The following MUC4 variants were observed in gnomAD, a reference collection of about 807,000 sequenced individuals.
The protein encoded by MUC4 is mucin 4, cell surface associated.
Under a neutral mutation model 257.9 loss-of-function variants are expected in MUC4, and 202 were observed. The observed-to-expected ratio is 0.78, with a 90% confidence interval of 0.70 to 0.88. MUC4 has a LOEUF of 0.88. Among genes scored for constraint, MUC4 ranks in the 40% least tolerant of loss-of-function variants. The pLI, the probability that MUC4 is intolerant of heterozygous loss-of-function variation, is 0.00. For synonymous variants in MUC4, 2,351 were observed against 2,757.1 expected (o/e 0.85, Z 4.62); for missense variants, 5,976 against 6,513.7 (o/e 0.92, Z 2.84).
Position 195,783,628 on chromosome 3 carries a change from G to C in MUC4, c.7952C>G (p.Thr2651Arg). 3 of 373,890 alleles carry C rather than the reference G, an allele frequency of 8.0e-6. No homozygotes were observed. The highest frequency in any genetic ancestry group is 7.0e-5 in the East Asian group (2 of 28,454). The allele number at this position is 373,890 out of a possible 1,614,324, so 23.2% of individuals were successfully genotyped here. The change falls in exon 2 of 25, where the codon ACA becomes AGA. Residue 2651 changes from threonine to arginine, a missense_variant. Physicochemically the swap from Thr to Arg is moderately conservative, Grantham distance 71. Transcript: ENST00000463781. Reference sequence around the variant, plus strand: ...GACAGGAAGAGGGGTGGCCTGACCTGTGGATGCTGAGGAAGCGTCGGTGAC... The same window carrying C: ...GACAGGAAGAGGGGTGGCCTGACCTCTGGATGCTGAGGAAGCGTCGGTGAC... The part of the protein sequence containing the change: ...LLVTDASSAS[T>R]GQATPLPVTS...
rs775523629 is a variant in MUC4 at position 195,789,948 on chromosome 3, C to T, written c.1632G>A (p.Glu544=). ...TGCTGTGGGAGGAGTATGTGGTGGGCTCTCCTGGTTCCCCTATTGCTGAGA... is the reference window on the plus strand; with the variant it reads ...TGCTGTGGGAGGAGTATGTGGTGGGTTCTCCTGGTTCCCCTATTGCTGAGA... The part of the protein sequence containing the change: ...SKVSAIGEPG[E]PTTYSSHSTT... Residue 544 remains glutamate (E), a synonymous_variant, in exon 2 of 25, where the codon GAG becomes GAA. Coordinates refer to ENST00000463781, the MANE Select transcript of MUC4 (RefSeq NM_018406.7). 3.1e-6 allele frequency: 5 copies of T among 1,613,930 alleles called. No homozygotes were observed. The South Asian group carries it at 5.5e-5, about 18-fold the overall frequency.
intron 6 of MUC4, 105 bp from the exon 7 acceptor site, chr3:195,769,257 A>G: frequency 1.3e-6 from 2 of 1,489,576 alleles, no homozygotes; most frequent in South Asian, 2.6e-5. Context: ...CACGCACAGC[A>G]CCTGTTCCTG....
At position 195,758,573 on chromosome 3, in the gene MUC4, C is replaced by CTTTTTTTTTTTTTTTTTTTTTTTTT. The variant is rs55860315; in HGVS notation, c.14986+550_14986+551insAAAAAAAAAAAAAAAAAAAAAAAAA. On this transcript the variant is annotated intron_variant, in intron 17 of 24. Coordinates refer to ENST00000463781, the MANE Select transcript of MUC4 (RefSeq NM_018406.7). ...GATTGAGATTAAATGATCTTCAAAT[C>CTTTTTTTTTTTTTTTTTTTTTTTTT]TTTTTTTTGAGACAGAGTCTCGCTC... Among the ~76,000 whole-genome samples, 2 of 126,470 alleles carry CTTTTTTTTTTTTTTTTTTTTTTTTT rather than the reference C, an allele frequency of 1.6e-5. 1 individual carries two copies. The highest frequency in any genetic ancestry group is 3.2e-5 in the Non-Finnish European group (2 of 61,794). The allele number at this position is 126,470 out of a possible 152,430, so 83.0% of individuals were successfully genotyped here. A position where few individuals can be genotyped will look rare whatever the true frequency, so the allele number is the denominator to read the frequency against.
intron 1 of MUC4, among the ~76,000 whole-genome samples, chr3:195,794,471 G>A (rs1051548062): frequency 4.6e-5 from 7 of 151,988 alleles, no homozygotes; most frequent in Non-Finnish European, 1.0e-4. Flanking sequence ...GAAGTTCAGC[G>A]GTGTAATTGG....
In MUC4 at chr3:195,778,860, A is replaced by C. The variant is rs372912278; in HGVS notation, c.12720T>G (p.Pro4240=). The change falls in exon 2 of 25, where the codon CCT becomes CCG. Residue 4240 remains proline (P), a synonymous_variant. Coordinates refer to ENST00000463781, the MANE Select transcript of MUC4 (RefSeq NM_018406.7). ...LSSVSTGHAT[P]LAVSSATSAS... is the part of the protein sequence containing the mutation. ...CTGAGGTAGCACTGCTGACAGCAAG[A>C]GGGGTGGCGTGACCTGTGGATACTG... 6.2e-7 allele frequency: 1 copy of C among 1,610,504 alleles called. No individual in the cohort carries two copies.
chr3:195,788,332 G>C lies in MUC4; in HGVS notation c.3248C>G (p.Thr1083Arg). 6.5e-7 allele frequency: 1 copy of C among 1,548,754 alleles called. No individual in the cohort carries two copies. The highest frequency in any genetic ancestry group is 8.7e-7 in the Non-Finnish European group (1 of 1,146,268). ...GACAGGAAGAGGGGTGGTGTCACCT[G>C]TGGATGCTGAGGAAAGGCTGGTGAC... is the stretch of plus-strand genomic sequence containing the variant. ...LPVTSLSSAS[T>R]GDTTPLPVTD... The change falls in exon 2 of 25, where the codon ACA (threonine) becomes AGA (arginine). Residue 1083 changes from threonine to arginine, a missense_variant. Transcript: ENST00000463781.
chr3:195,771,206 T>C (rs2432526), intron 5 of MUC4, among the ~76,000 whole-genome samples: 691 of 28,602 alleles, frequency 0.024, 76 homozygotes, highest in East Asian at 0.063. Flanking sequence ...GTCAGTCTCG[T>C]GGTTGGGTTG....
At chr3:195,778,732 G>T in intron 2 of MUC4, 58 bp downstream of exon 2, 1 of 1,507,392 alleles carries the variant, frequency 6.6e-7, no homozygotes, top group South Asian at 1.3e-5. Flanking sequence ...TACTCCTTAG[G>T]CTGAATTCCG....
intron 12 of MUC4, 110 bp from the exon 13 acceptor site, chr3:195,763,055 A>G (rs1719577690): frequency 1.1e-6 from 1 of 943,180 alleles, no homozygotes; most frequent in South Asian, 1.4e-5. Flanking sequence ...GGCCGGGAGG[A>G]AGGCGCTGGA....
intron 21 of MUC4, chr3:195,751,779 T>G: frequency 4.8e-6 from 1 of 206,280 alleles, no homozygotes; most frequent in Non-Finnish European, 9.8e-6. Flanking sequence ...GTCATCATGT[T>G]TGAATACTTG....
rs772673956 is a variant in MUC4 at position 195,781,278 on chromosome 3, G to A, written c.10302C>T (p.Ser3434=). 55 of 1,415,278 alleles carry A rather than the reference G, an allele frequency of 3.9e-5. No homozygotes were observed. The highest frequency in any genetic ancestry group is 2.1e-4 in the African/African-American group (14 of 65,996). The allele number at this position is 1,415,278 out of a possible 1,614,324, so 87.7% of individuals were successfully genotyped here. ...PLPVTSTSSA[S]TGHATPVPVT... ...CAGGAACAGGGGTGGCGTGACCGGTGGATGCTGAGGAAGTGCTGGTGACAG... is the reference window on the plus strand; with the variant it reads ...CAGGAACAGGGGTGGCGTGACCGGTAGATGCTGAGGAAGTGCTGGTGACAG... Residue 3434 remains serine, a synonymous_variant, in exon 2 of 25, where the codon TCC becomes TCT. Transcript: ENST00000463781.
Position 195,780,018 on chromosome 3 carries a change from G to A in MUC4, c.11562C>T (p.Thr3854=), listed in dbSNP as rs1578211644. The stretch of plus-strand genomic sequence containing the variant: ...AAGGGCTAGTGACAGGAAGAGGCAT[G>A]GTGTCACCTGTGGATACTGAGGAAG... The part of the protein sequence containing the change: ...TIPSSVSTGD[T]MPLPVTSPSS... The change falls in exon 2 of 25, where the codon ACC becomes ACT. Residue 3854 remains threonine (T), a synonymous_variant. Transcript: ENST00000463781. 4.0e-6 allele frequency: 3 copies of A among 745,700 alleles called. 1 individual carries two copies. Among genetic ancestry groups the A allele is most frequent in the Non-Finnish European group, 3.4e-6 (2 of 581,052 alleles). The allele number at this position is 745,700 out of a possible 1,614,324, so 46.2% of individuals were successfully genotyped here. A position where few individuals can be genotyped will look rare whatever the true frequency, so the allele number is the denominator to read the frequency against.
intron 7 of MUC4, among the ~76,000 whole-genome samples, chr3:195,767,847 TCGCCACCATCACCCCCAACAC>T (rs1384085534): frequency 4.4e-5 from 2 of 45,928 alleles, no homozygotes; most frequent in African/African-American, 9.6e-5. Context: ...ACCACCACCA[TCGCCACCATCACCCCCAACAC>T]CACCACCATC....
At position 195,780,907 on chromosome 3, in the gene MUC4, G is replaced by C. The variant is rs754808151; in HGVS notation, c.10673C>G (p.Ala3558Gly). 6.6e-7 allele frequency: 1 copy of C among 1,507,536 alleles called. No homozygotes were observed. Among genetic ancestry groups the C allele is most frequent in the Non-Finnish European group, 8.9e-7 (1 of 1,121,974 alleles). The allele number at this position is 1,507,536 out of a possible 1,614,324, so 93.4% of individuals were successfully genotyped here. A position where few individuals can be genotyped will look rare whatever the true frequency, so the allele number is the denominator to read the frequency against. The change falls in exon 2 of 25, where the codon GCT becomes GGT. Residue 3558 changes from alanine (A) to glycine (G), a missense_variant. Physicochemically the swap from Ala to Gly is moderately conservative, Grantham distance 60. Around this residue, in one of 44 missense-constraint regions of MUC4, gnomAD observed 59 missense variants for 149.8 expected, o/e 0.39. Transcript: ENST00000463781. The stretch of plus-strand genomic sequence containing the variant: ...GGCCTGACCTGTGGATGCCGAGGAA[G>C]CGTCGGTGACAGGAAGAGGGGTGGT... ...GDTTPLPVTDASSASTGQATP... is the reference protein window; with the variant it reads ...GDTTPLPVTDGSSASTGQATP...
Position 195,761,477 on chromosome 3 carries a change from G to A in MUC4, c.14614+7C>T, listed in dbSNP as rs997580013. 7.4e-6 allele frequency: 12 copies of A among 1,610,820 alleles called. No individual in the cohort carries two copies. Among genetic ancestry groups the A allele is most frequent in the Non-Finnish European group, 1.0e-5 (12 of 1,177,004 alleles). ...CCCCTCTGCCCCAGGACCCTGCCCA[G>A]ACTCACAGGTCATTCCAAAGTGGAA... On this transcript the variant is annotated splice_region_variant and intron_variant, in intron 15 of 24. Transcript: ENST00000463781.
chr3:195,782,426 C>T lies in MUC4; in HGVS notation c.9154G>A (p.Gly3052Ser), dbSNP rs1391228568. The change falls in exon 2 of 25, where the codon GGT (glycine) becomes AGT (serine). Residue 3052 changes from glycine to serine, a missense_variant. Transcript: ENST00000463781. ...GTGACATGAAGAGGGTTGGCGTGAC[C>T]TGTGGATGCTGAGGAAGTGTCGGTG... ...PVTDTSSAST[G>S]HANPLHVTSP... is the part of the protein sequence containing the mutation. 6.9e-7 allele frequency: 1 copy of T among 1,455,424 alleles called. No individual in the cohort carries two copies. Among genetic ancestry groups the T allele is most frequent in the Non-Finnish European group, 9.2e-7 (1 of 1,091,456 alleles). 90.2% of individuals were successfully genotyped at this position (1,455,424 alleles called of 1,614,324 possible).
chr3:195,767,724 CCATCACCACCACCAT>C lies in MUC4; in HGVS notation c.13530-988_13530-974del, dbSNP rs1721459764. Among the ~76,000 whole-genome samples the C allele has an allele frequency of 2.8e-3, 12 of 4,274 alleles. 1 individual carries two copies. Among genetic ancestry groups the C allele is most frequent in the Admixed American group, 5.0e-3 (2 of 404 alleles). The allele number at this position is 4,274 out of a possible 152,430, so 2.8% of individuals were successfully genotyped here. On this transcript the variant is annotated intron_variant, in intron 7 of 24. Coordinates refer to ENST00000463781, the MANE Select transcript of MUC4 (RefSeq NM_018406.7). ...AAAATACCACCATCGGCCACCACCACCATCACCACCACCATCACCATCGCCACCACCACCATCACC... is the reference window on the plus strand; with the variant it reads ...AAAATACCACCATCGGCCACCACCACCACCATCGCCACCACCACCATCACC...
chr3:195,787,542 A>T lies in MUC4; in HGVS notation c.4038T>A (p.Pro1346=). The change falls in exon 2 of 25, where the codon CCT becomes CCA. Residue 1346 remains proline, a synonymous_variant. Coordinates refer to ENST00000463781, the MANE Select transcript of MUC4 (RefSeq NM_018406.7). ...SASTGDTTPL[P]VTDASSVSTG... ...TGGATACTGAGGAAGCGTCGGTGAC[A>T]GGAAGAGGGGTGGTGTCACCTGTGG... The T allele has an allele frequency of 1.1e-6, 1 of 894,908 alleles. No individual in the cohort carries two copies. 55.4% of individuals were successfully genotyped at this position (894,908 alleles called of 1,614,324 possible). A position where few individuals can be genotyped will look rare whatever the true frequency, so the allele number is the denominator to read the frequency against.
intron 21 of MUC4, chr3:195,751,746 G>A (rs1716492649): frequency 4.4e-6 from 1 of 226,500 alleles, no homozygotes; most frequent in African/African-American, 2.3e-5. Context: ...GGGAGTGCTA[G>A]GCTTGCAGTA....
Sources: gnomAD v4.1 joint callset for allele counts (sites outside exome capture counted in the v4.1 genomes callset) on GRCh38, gnomAD v4.1.1 for gene constraint, gnomAD v4.1.1 regional missense constraint, MANE v1.5 for transcripts, NCBI Gene and HGNC (gene_info 2026-07-23, HGNC 2026-07-21) for gene names.